The following PREX2 variants were observed in gnomAD, a reference collection of about 807,000 sequenced individuals.
PREX2 encodes phosphatidylinositol 3,4,5-trisphosphate-dependent Rac exchanger 2 protein.
A neutral mutation model predicts 203.2 loss-of-function variants in PREX2; 107 were observed. The observed-to-expected ratio is 0.53, with a 90% CI of 0.45 to 0.62. The LOEUF is 0.62. Among genes scored for constraint, PREX2 ranks in the 20% least tolerant of loss-of-function variants. PREX2 has a pLI of 0.00. For synonymous variants in PREX2, 672 were observed against 663.6 expected (o/e 1.01, Z -0.19); for missense variants, 1,777 against 1,955.9 (o/e 0.91, Z 1.72).
chr8:67,976,894 G>A (rs1806128116), intron 1 of PREX2, among the ~76,000 whole-genome samples: 1 of 152,126 alleles, frequency 6.6e-6, no homozygotes, highest in South Asian at 2.1e-4. Context: ...TCTTAAAAAT[G>A]GATCCTCCAG....
At chr8:68,222,478 T>A (rs1199249324) in intron 38 of PREX2, among the ~76,000 whole-genome samples, 1 of 151,434 alleles carries the variant, frequency 6.6e-6, no homozygotes, top group Non-Finnish European at 1.5e-5. Flanking sequence ...TTATAGCTCA[T>A]GGAATAAAAT....
chr8:68,030,957 T>G (rs980652143), intron 6 of PREX2, among the ~76,000 whole-genome samples: 1 of 152,226 alleles, frequency 6.6e-6, no homozygotes, highest in South Asian at 2.1e-4. Flanking sequence ...CTCTCTCAAC[T>G]TTGGCCATAA....
chr8:68,122,759 T>G (rs1285233319), intron 30 of PREX2, among the ~76,000 whole-genome samples: 1 of 152,118 alleles, frequency 6.6e-6, no homozygotes. Context: ...ATTTTACTAT[T>G]TATCCAAAAG....
chr8:68,107,771 A>G (rs1810447711), intron 23 of PREX2, among the ~76,000 whole-genome samples: 1 of 152,174 alleles, frequency 6.6e-6, no homozygotes, highest in South Asian at 2.1e-4. Context: ...CTGGGATGCC[A>G]CTTGCCCTGT....
At chr8:68,036,215 G>A (rs547177756) in intron 6 of PREX2, among the ~76,000 whole-genome samples, 7 of 152,194 alleles carry the variant, frequency 4.6e-5, no homozygotes, top group African/African-American at 1.4e-4. Context: ...AAGACCTAGC[G>A]GTTTGATTGA....
At chr8:68,008,569 A>G (rs1807169156) in intron 1 of PREX2, among the ~76,000 whole-genome samples, 1 of 149,280 alleles carries the variant, frequency 6.7e-6, no homozygotes, top group Non-Finnish European at 1.5e-5. Context: ...GTAAGTGCCT[A>G]CGTTTCTGAG....
At chr8:68,223,181 G>A (rs1171467133) in intron 38 of PREX2, 1 of 152,320 alleles carries the variant, frequency 6.6e-6, no homozygotes, top group East Asian at 1.9e-4. Context: ...ATCACACTGT[G>A]GTTAAGTGAA....
rs748439702 is a variant in PREX2 at position 67,952,547 on chromosome 8, C to G, written c.141+12C>G. ...AGTTCCTGGTGTCGGTGAGTGTCCC[C>G]GGCAGACGCAGGGGGACGTCCGGGC... On this transcript the variant is annotated intron_variant, in intron 1 of 39. Transcript: ENST00000288368. 4 of 1,607,254 alleles carry G rather than the reference C, an allele frequency of 2.5e-6. No individual in the cohort carries two copies. The highest frequency in any genetic ancestry group is 3.3e-4 in the Middle Eastern group (2 of 5,984).
chr8:68,095,500 A>AATACATAC (rs372847646), intron 21 of PREX2, among the ~76,000 whole-genome samples: 40 of 78,056 alleles, frequency 5.1e-4, no homozygotes, highest in South Asian at 9.2e-4. Flanking sequence ...AACGGGGCCA[A>AATACATAC]ATACATACAT....
chr8:68,068,789 A>G (rs1809096952), intron 11 of PREX2, among the ~76,000 whole-genome samples: 1 of 152,088 alleles, frequency 6.6e-6, no homozygotes, highest in Non-Finnish European at 1.5e-5. Context: ...TGCTAGCTGA[A>G]TGTTGCAAAC....
At chr8:68,076,885 C>T (rs1042877866) in intron 14 of PREX2, among the ~76,000 whole-genome samples, 3 of 151,770 alleles carry the variant, frequency 2.0e-5, no homozygotes, top group Admixed American at 6.6e-5. Flanking sequence ...CTTGTATTTG[C>T]TAGCTCAGCC....
At chr8:68,122,516 A>G (rs1305460640) in intron 30 of PREX2, among the ~76,000 whole-genome samples, 1 of 152,092 alleles carries the variant, frequency 6.6e-6, no homozygotes, top group Non-Finnish European at 1.5e-5. Context: ...TGAGTAAAAG[A>G]CATTTCTGCT....
intron 23 of PREX2, among the ~76,000 whole-genome samples, chr8:68,100,541 C>G (rs976159210): frequency 6.6e-6 from 1 of 152,168 alleles, no homozygotes; most frequent in Admixed American, 6.5e-5. Flanking sequence ...GAAGGCTTGA[C>G]AAGTAGAACT....
Position 68,030,636 on chromosome 8 carries a change from A to T in PREX2, c.683A>T (p.Gln228Leu). The T allele has an allele frequency of 6.2e-7, 1 of 1,613,656 alleles. No individual in the cohort carries two copies. The highest frequency in any genetic ancestry group is 2.2e-5 in the East Asian group (1 of 44,868). Residue 228 changes from glutamine (Q) to leucine (L), a missense_variant, in exon 6 of 40, where the codon CAG (glutamine) becomes CTG (leucine). Transcript: ENST00000288368. The stretch of plus-strand genomic sequence containing the variant: ...AAGTTAGAAGTTTTAGAGGAATGGC[A>T]GTCTCACATTGAAGGCTGGGAGGTA... The part of the protein sequence containing the change: ...MEKLEVLEEW[Q>L]SHIEGWEGSN...
intron 1 of PREX2, among the ~76,000 whole-genome samples, chr8:67,986,062 G>A (rs938971785): frequency 6.6e-6 from 1 of 152,186 alleles, no homozygotes; most frequent in African/African-American, 2.4e-5. Flanking sequence ...TGGCAAAAGC[G>A]TTTTGAGAGA....
At chr8:68,122,790 C>T (rs1810804315) in intron 30 of PREX2, among the ~76,000 whole-genome samples, 1 of 152,044 alleles carries the variant, frequency 6.6e-6, no homozygotes, top group Admixed American at 6.6e-5. Flanking sequence ...GCAGGTTATT[C>T]AATATCCATG....
intron 37 of PREX2, among the ~76,000 whole-genome samples, chr8:68,216,060 G>A (rs1443641495): frequency 6.6e-6 from 1 of 152,160 alleles, no homozygotes; most frequent in Non-Finnish European, 1.5e-5. Flanking sequence ...TGCCTCTCAA[G>A]TCATTTAACA....
chr8:68,066,614 T>C (rs1259311135), intron 11 of PREX2, among the ~76,000 whole-genome samples: 2 of 152,156 alleles, frequency 1.3e-5, no homozygotes, highest in Non-Finnish European at 2.9e-5. Flanking sequence ...TTTTGAATAT[T>C]TGCCTCCTAC....
intron 2 of PREX2, among the ~76,000 whole-genome samples, chr8:68,018,410 T>C (rs1387308531): frequency 2.6e-5 from 4 of 152,084 alleles, no homozygotes; most frequent in Non-Finnish European, 5.9e-5. Flanking sequence ...GAGGTGTTGG[T>C]GAGCTGAGAT....
Sources: allele counts gnomAD v4.1 joint callset (sites outside exome capture counted in the v4.1 genomes callset), GRCh38; gene constraint gnomAD v4.1.1; transcripts MANE v1.5; gene names NCBI Gene and HGNC (gene_info 2026-07-23, HGNC 2026-07-21).